ADCY8: variants seen among roughly 807,000 people sequenced by gnomAD.
ADCY8 encodes the protein adenylate cyclase 8, also known as adenylate cyclase type 8.
A neutral mutation model predicts 119.7 loss-of-function variants in ADCY8; 51 were observed. The ratio of observed to expected loss-of-function variants is 0.43; its 90% CI spans 0.34 to 0.54. The LOEUF is 0.54. Among genes scored for constraint, ADCY8 ranks in the 20% least tolerant of loss-of-function variants. ADCY8 has a pLI of 0.03. For missense variants in ADCY8, 1,383 were observed against 1,598.8 expected (o/e 0.87, Z 2.30); for synonymous variants, 665 against 651.0 (o/e 1.02, Z -0.33).
chr8:131,019,834 TC>T lies in ADCY8; in HGVS notation c.960+19539del, dbSNP rs1823604175. Among the ~76,000 whole-genome samples, 3 of 123,494 alleles carry T rather than the reference TC, an allele frequency of 2.4e-5. No homozygotes were observed. In the South Asian group the frequency reaches 8.9e-4, roughly 37 times the overall value. The allele number at this position is 123,494 out of a possible 152,430, so 81.0% of individuals were successfully genotyped here. On this transcript the variant is annotated intron_variant, in intron 1 of 17. Coordinates refer to ENST00000286355, the MANE Select transcript of ADCY8 (RefSeq NM_001115.3). ...CTCTCTCTCTCTCTCTCTCTCTCTC[TC>T]TCTGTCTGTCTCTCTCTCTCTCTCT...
At chr8:130,928,151 A>AAC in intron 5 of ADCY8, among the ~76,000 whole-genome samples, 1 of 152,198 alleles carries the variant, frequency 6.6e-6, no homozygotes, top group South Asian at 2.1e-4. Context: ...CTAACACAGC[A>AAC]ACCTCAAATT....
chr8:131,031,082 A>G (rs1471235559), intron 1 of ADCY8, among the ~76,000 whole-genome samples: 1 of 152,204 alleles, frequency 6.6e-6, no homozygotes, highest in Non-Finnish European at 1.5e-5. Context: ...GATTCCCTCT[A>G]TAGGAATATA....
chr8:130,919,394 G>A (rs570758780), intron 5 of ADCY8, among the ~76,000 whole-genome samples: 1 of 152,324 alleles, frequency 6.6e-6, no homozygotes, highest in African/African-American at 2.4e-5. Flanking sequence ...GTGAGAGCAA[G>A]AACATGGCTC....
intron 1 of ADCY8, among the ~76,000 whole-genome samples, chr8:131,019,531 C>G (rs1485790159): frequency 2.0e-5 from 3 of 152,330 alleles, no homozygotes. Context: ...CAGATAGAAA[C>G]AGGCCAGAAG....
At chr8:130,996,664 A>G (rs1159256709) in intron 1 of ADCY8, among the ~76,000 whole-genome samples, 1 of 152,132 alleles carries the variant, frequency 6.6e-6, no homozygotes, top group Non-Finnish European at 1.5e-5. Context: ...GTCACCTCAT[A>G]TTATATGCAA....
In ADCY8 at chr8:131,040,634, T is replaced by A; in HGVS notation, c.-301A>T. Reference sequence around the variant, plus strand: ...TTTGTCCTCAGGAGCCGCAGCGCTGTGAGCCACGCAGCCCCTTCCTGGGCT... The same window carrying A: ...TTTGTCCTCAGGAGCCGCAGCGCTGAGAGCCACGCAGCCCCTTCCTGGGCT... On this transcript the variant is annotated 5_prime_UTR_variant, in exon 1 of 18. Transcript: ENST00000286355. 3.5e-6 allele frequency: 1 copy of A among 283,720 alleles called. No homozygotes were observed. The highest frequency in any genetic ancestry group is 6.5e-6 in the Non-Finnish European group (1 of 154,024). The allele number at this position is 283,720 out of a possible 1,614,324, so 17.6% of individuals were successfully genotyped here.
chr8:131,037,032 G>T (rs1824177660), intron 1 of ADCY8, among the ~76,000 whole-genome samples: 1 of 152,114 alleles, frequency 6.6e-6, no homozygotes, highest in Non-Finnish European at 1.5e-5. Flanking sequence ...CTTATAAAAA[G>T]CGATTTATTC....
chr8:130,812,869 AT>A (rs1025379966), intron 14 of ADCY8, among the ~76,000 whole-genome samples: 1 of 152,166 alleles, frequency 6.6e-6, no homozygotes, highest in Non-Finnish European at 1.5e-5. Context: ...GCATACATAC[AT>A]TTATGTATAT....
chr8:130,883,354 G>GTGT (rs1818852237), intron 8 of ADCY8, among the ~76,000 whole-genome samples: 1 of 152,100 alleles, frequency 6.6e-6, no homozygotes, highest in African/African-American at 2.4e-5. Flanking sequence ...AATAAGAGAA[G>GTGT]TGTGTCTTTT....
intron 13 of ADCY8, among the ~76,000 whole-genome samples, 175 bp from the exon 14 acceptor site, chr8:130,814,402 T>C (rs1816272649): frequency 6.6e-6 from 1 of 152,192 alleles, no homozygotes; most frequent in South Asian, 2.1e-4. Flanking sequence ...CAGAGAATGA[T>C]TAGGTTTCAC....
intron 2 of ADCY8, among the ~76,000 whole-genome samples, chr8:130,974,339 C>T (rs2130710880): frequency 6.6e-6 from 1 of 152,274 alleles, no homozygotes; most frequent in Admixed American, 6.5e-5. Context: ...CTGATGAGAT[C>T]CAGCTGGAAT....
intron 14 of ADCY8, among the ~76,000 whole-genome samples, chr8:130,807,529 T>A (rs1563672526): frequency 6.6e-6 from 1 of 152,126 alleles, no homozygotes; most frequent in African/African-American, 2.4e-5. Context: ...AGGGAGTGGA[T>A]TTCTTCTTTC....
intron 9 of ADCY8, among the ~76,000 whole-genome samples, chr8:130,855,331 G>A (rs55662702): frequency 0.18 from 26,897 of 152,032 alleles, 2,609 homozygotes; most frequent in Non-Finnish European, 0.22. Flanking sequence ...AGCTTTTGCT[G>A]TGTCTGGGGT....
chr8:130,833,690 G>A (rs907304881), intron 12 of ADCY8, among the ~76,000 whole-genome samples: 6 of 152,106 alleles, frequency 3.9e-5, no homozygotes, highest in Non-Finnish European at 8.8e-5. Flanking sequence ...TGGTATTTTG[G>A]TTATTGGCCA....
rs1333385414 is a variant in ADCY8 at position 130,836,348 on chromosome 8, G to A, written c.2604C>T (p.Ile868=). The stretch of plus-strand genomic sequence containing the variant: ...AGACGGTCTCAGTGAGCAGGGCATA[G>A]ATGGCAATCATGATCAGCAGCACTG... ...KLAVLLIMIA[I]YALLTETVYA... is the part of the protein sequence containing the mutation. The change falls in exon 12 of 18, where the codon ATC becomes ATT. Residue 868 remains isoleucine, a synonymous_variant. Transcript: ENST00000286355. The A allele has an allele frequency of 6.2e-7, 1 of 1,614,014 alleles. No individual in the cohort carries two copies. Among genetic ancestry groups the A allele is most frequent in the Non-Finnish European group, 8.5e-7 (1 of 1,179,924 alleles).
At chr8:131,005,920 G>A (rs980348875) in intron 1 of ADCY8, among the ~76,000 whole-genome samples, 3 of 152,220 alleles carry the variant, frequency 2.0e-5, no homozygotes, top group South Asian at 2.1e-4. Flanking sequence ...TCTTTTGAAT[G>A]TTTCCTGCTG....
Position 130,846,031 on chromosome 8 carries a change from A to G in ADCY8, c.2502+1393T>C, listed in dbSNP as rs1586473303. Among the ~76,000 whole-genome samples, 3 of 152,264 alleles carry G rather than the reference A, an allele frequency of 2.0e-5. No individual in the cohort carries two copies. The South Asian group carries it at 6.2e-4, about 32-fold the overall frequency. ...GGATTTGATGATGTTATGCATATCA[A>G]GCAGGTGCTCTATGCAAATGGACGG... On this transcript the variant is annotated intron_variant, in intron 11 of 17. Transcript: ENST00000286355.
chr8:130,975,062 A>T (rs960925224), intron 2 of ADCY8, among the ~76,000 whole-genome samples: 1 of 152,222 alleles, frequency 6.6e-6, no homozygotes, highest in African/African-American at 2.4e-5. Context: ...GCTTCGATCT[A>T]TCAAGAGAGA....
intron 9 of ADCY8, among the ~76,000 whole-genome samples, chr8:130,864,291 C>A (rs79285205): frequency 6.6e-6 from 1 of 152,052 alleles, no homozygotes; most frequent in Non-Finnish European, 1.5e-5. Context: ...AATACAATAT[C>A]TTTTTTTGAT....
Sources: allele counts gnomAD v4.1 joint callset (sites outside exome capture counted in the v4.1 genomes callset), GRCh38; gene constraint gnomAD v4.1.1; transcripts MANE v1.5; gene names NCBI Gene and HGNC (gene_info 2026-07-23, HGNC 2026-07-21).